Variants in ERG observed in about 807,000 individuals in gnomAD.
ERG encodes the protein ETS transcription factor ERG.
In ERG, 9 loss-of-function variants were observed where a neutral mutation model predicts 55.3. The ratio of observed to expected loss-of-function variants is 0.16; its 90% CI spans 0.10 to 0.28. The LOEUF (loss-of-function observed/expected upper bound fraction) is 0.28. Among genes scored for constraint, ERG ranks in the 10% least tolerant of loss-of-function variants. The probability of loss-of-function intolerance (pLI) is 1.00; values close to 1 mark genes in which losing one functional copy is unlikely to be tolerated. For missense variants in ERG, 434 were observed against 631.6 expected (o/e 0.69, Z 3.35); for synonymous variants, 223 against 237.3 (o/e 0.94, Z 0.55).
At chr21:38,403,476 C>CATCT in intron 4 of ERG, 30 bp downstream of exon 4, 1 of 1,605,618 alleles carries the variant, frequency 6.2e-7, no homozygotes, top group Non-Finnish European at 8.5e-7. Context: ...TAGCCACAGC[C>CATCT]ATCTATCCTT....
At chr21:38,385,515 C>T (rs1987654057) in intron 9 of ERG, among the ~76,000 whole-genome samples, 2 of 152,338 alleles carry the variant, frequency 1.3e-5, no homozygotes, top group African/African-American at 2.4e-5. Flanking sequence ...ATAAACTCTG[C>T]TTTGCATGTT....
intron 1 of ERG, among the ~76,000 whole-genome samples, chr21:38,495,853 T>C (rs962149979): frequency 1.3e-5 from 2 of 152,158 alleles, no homozygotes; most frequent in African/African-American, 4.8e-5. Context: ...CTGAGATGTT[T>C]GTGGGGACAG....
intron 6 of ERG, among the ~76,000 whole-genome samples, chr21:38,397,387 C>G (rs1301660174): frequency 6.6e-6 from 1 of 151,912 alleles, no homozygotes; most frequent in Non-Finnish European, 1.5e-5. Flanking sequence ...ATCACGAGGT[C>G]AAGAGATCAA....
chr21:38,579,302 A>G (rs1051863724), intron 1 of ERG, among the ~76,000 whole-genome samples: 6 of 152,218 alleles, frequency 3.9e-5, no homozygotes, highest in African/African-American at 1.4e-4. Context: ...GGAAGTTTTG[A>G]GTACTCAGGT....
chr21:38,549,461 C>A (rs1204724621), intron 2 of ERG, among the ~76,000 whole-genome samples: 1 of 152,182 alleles, frequency 6.6e-6, no homozygotes, highest in Non-Finnish European at 1.5e-5. Context: ...TTTGGCTTCC[C>A]TAATCTAGAT....
upstream of ERG, among the ~76,000 whole-genome samples, chr21:38,585,451 T>C (rs536017428): frequency 8.1e-5 from 12 of 148,332 alleles, no homozygotes; most frequent in Non-Finnish European, 1.5e-4. Context: ...GAACACTAAC[T>C]AGCTAAAAAG....
chr21:38,480,548 C>T (rs1446878898), intron 1 of ERG, among the ~76,000 whole-genome samples: 1 of 119,484 alleles, frequency 8.4e-6, no homozygotes, highest in Non-Finnish European at 1.8e-5. Context: ...CTTGTGGATG[C>T]TGTTTTTAAC....
At chr21:38,553,772 G>A (rs547682228) in intron 2 of ERG, among the ~76,000 whole-genome samples, 12 of 151,984 alleles carry the variant, frequency 7.9e-5, no homozygotes, top group Non-Finnish European at 1.6e-4. Context: ...ATAGGCCCTG[G>A]CAAAGATTTC....
chr21:38,603,147 C>T (rs1383302741), intron 1 of ERG, among the ~76,000 whole-genome samples: 1 of 151,962 alleles, frequency 6.6e-6, no homozygotes, highest in African/African-American at 2.4e-5. Flanking sequence ...GCTGGGTCTC[C>T]TCAAGAACTT....
At chr21:38,599,430 G>T (rs1371067877) in intron 1 of ERG, among the ~76,000 whole-genome samples, 1 of 152,196 alleles carries the variant, frequency 6.6e-6, no homozygotes, top group South Asian at 2.1e-4. Context: ...TGAACAAGGG[G>T]CAGCTTTTAG....
At chr21:38,507,978 G>GC (rs2059477346) in intron 2 of ERG, among the ~76,000 whole-genome samples, 2 of 1,498 alleles carry the variant, frequency 1.3e-3, no homozygotes, top group East Asian at 0.017. Flanking sequence ...CACACACAGA[G>GC]ACACACAGAC....
intron 3 of ERG, among the ~76,000 whole-genome samples, chr21:38,420,303 C>CGT (rs34803336): frequency 5.3e-4 from 79 of 148,718 alleles, no homozygotes; most frequent in Admixed American, 1.3e-3. Flanking sequence ...TGTGTGTGTG[C>CGT]GTGTGTGTGT....
intron 1 of ERG, chr21:38,471,543 T>C (rs915995090): frequency 4.6e-5 from 7 of 152,234 alleles, no homozygotes; most frequent in African/African-American, 1.7e-4. Context: ...TTATCCCGTC[T>C]CTACTTTCCC....
At chr21:38,646,403 A>G (rs2060457119) in intron 1 of ERG, among the ~76,000 whole-genome samples, 1 of 152,172 alleles carries the variant, frequency 6.6e-6, no homozygotes, top group Non-Finnish European at 1.5e-5. Context: ...TACTCACTTG[A>G]AGATGAGAAG....
At position 38,596,125 on chromosome 21, in the gene ERG, G is replaced by A. The variant is rs961841231; in HGVS notation, c.-149-11180C>T. 6.0e-5 allele frequency among the ~76,000 whole-genome samples: 9 copies of A among 151,196 alleles called. No homozygotes were observed. In the South Asian group the frequency reaches 6.3e-4, roughly 11 times the overall value. The stretch of plus-strand genomic sequence containing the variant: ...ATTTTGTAAAAAATAAGCTCATCAC[G>A]AACCCAGTTAACCCAGCAAGGCTAC... On this transcript the variant is annotated intron_variant, in intron 1 of 10. Coordinates refer to the ERG transcript ENST00000398910.
chr21:38,387,756 G>A (rs1987769133), intron 9 of ERG, among the ~76,000 whole-genome samples: 1 of 152,220 alleles, frequency 6.6e-6, no homozygotes, highest in Admixed American at 6.5e-5. Flanking sequence ...TTCTTGGGCT[G>A]ACTGATATCC....
chr21:38,556,080 A>G (rs187524016), intron 2 of ERG, among the ~76,000 whole-genome samples: 6 of 152,310 alleles, frequency 3.9e-5, no homozygotes, highest in Admixed American at 1.3e-4. Flanking sequence ...TATAGAATAT[A>G]CATAGGATGA....
chr21:38,500,759 T>G (rs1207832340), upstream of ERG, among the ~76,000 whole-genome samples: 4 of 152,220 alleles, frequency 2.6e-5, no homozygotes, highest in African/African-American at 9.6e-5. Context: ...ATGCTATTAT[T>G]TGATCAATAT....
At chr21:38,461,916 T>G (rs2059046379) in intron 1 of ERG, among the ~76,000 whole-genome samples, 1 of 152,324 alleles carries the variant, frequency 6.6e-6, no homozygotes, top group East Asian at 1.9e-4. Flanking sequence ...GTGATTCTCC[T>G]GCCTCAGCCT....
Sources: allele counts gnomAD v4.1 joint callset (sites outside exome capture counted in the v4.1 genomes callset), GRCh38; gene constraint gnomAD v4.1.1; transcripts MANE v1.5; gene names NCBI Gene and HGNC (gene_info 2026-07-23, HGNC 2026-07-21).